The following USP48 variants were observed in gnomAD, a reference collection of about 807,000 sequenced individuals.
The protein encoded by USP48 is ubiquitin carboxyl-terminal hydrolase 48.
USP48 carries 43 observed loss-of-function variants against 150.7 expected under a neutral mutation model. That is an observed-to-expected ratio of 0.29 (90% CI 0.22 to 0.37). The LOEUF (loss-of-function observed/expected upper bound fraction) is 0.37. USP48 is among the 10% of genes least tolerant of loss of function. The pLI is 1.00. For missense variants in USP48, 813 were observed against 1,249.6 expected (o/e 0.65, Z 5.27); for synonymous variants, 396 against 425.9 (o/e 0.93, Z 0.86).
intron 22 of USP48, among the ~76,000 whole-genome samples, chr1:21,696,176 C>T (rs945704748): frequency 1.1e-4 from 17 of 152,042 alleles, no homozygotes; most frequent in African/African-American, 3.4e-4. Flanking sequence ...TGGTGGCTCA[C>T]GCCTGTAATC....
intron 21 of USP48, among the ~76,000 whole-genome samples, chr1:21,703,209 A>G (rs1385360682): frequency 6.6e-6 from 1 of 152,230 alleles, no homozygotes; most frequent in Admixed American, 6.5e-5. Context: ...CTAGGTGCCT[A>G]TAATTTTGAG....
At chr1:21,772,792 C>T (rs556844034) in intron 1 of USP48, among the ~76,000 whole-genome samples, 2 of 149,738 alleles carry the variant, frequency 1.3e-5, no homozygotes, top group African/African-American at 2.5e-5. Context: ...AGTGGTGGCA[C>T]GGACCTGTAA....
chr1:21,703,553 G>C lies in USP48; in HGVS notation c.2581C>G (p.Gln861Glu), dbSNP rs150272422. 3 of 1,612,694 alleles carry C rather than the reference G, an allele frequency of 1.9e-6. No homozygotes were observed. Among genetic ancestry groups the C allele is most frequent in the Non-Finnish European group, 2.5e-6 (3 of 1,179,928 alleles). ...ACTTTATGGACATAGATGGTGGCTT[G>C]AGTGTATTCACGCAGGTCCCTCTGC... ...QQQRDLREYT[Q>E]ATIYVHKVVD... Residue 861 changes from glutamine to glutamate, a missense_variant, in exon 21 of 27, where the codon CAA (glutamine) becomes GAA (glutamate). Physicochemically the swap from Gln to Glu is conservative, Grantham distance 29. Transcript: ENST00000308271.
intron 8 of USP48, among the ~76,000 whole-genome samples, chr1:21,743,138 A>C (rs2152568704): frequency 6.6e-6 from 1 of 152,206 alleles, no homozygotes; most frequent in East Asian, 1.9e-4. Context: ...TATTGACCCT[A>C]ATTGGTCAAA....
rs896247032 is a variant in USP48 at position 21,721,636 on chromosome 1, A to G, written c.1763+14T>C. The G allele has an allele frequency of 2.0e-6, 3 of 1,487,222 alleles. No individual in the cohort carries two copies. Among genetic ancestry groups the G allele is most frequent in the Non-Finnish European group, 2.8e-6 (3 of 1,086,346 alleles). The allele number at this position is 1,487,222 out of a possible 1,614,324, so 92.1% of individuals were successfully genotyped here. A position where few individuals can be genotyped will look rare whatever the true frequency, so the allele number is the denominator to read the frequency against. ...TCTTAGTTTATCATTAACAATGTACACTGTGCAACATACCCCTTTACTGCT... is the reference window on the plus strand; with the variant it reads ...TCTTAGTTTATCATTAACAATGTACGCTGTGCAACATACCCCTTTACTGCT... On this transcript the variant is annotated intron_variant, in intron 13 of 26. Transcript: ENST00000308271.
chr1:21,724,339 G>GT (rs780462600), intron 11 of USP48: 54 of 598,278 alleles, frequency 9.0e-5, no homozygotes, highest in Middle Eastern at 4.4e-4. Flanking sequence ...AGATCGGCTG[G>GT]TATTATTAAC....
intron 14 of USP48, among the ~76,000 whole-genome samples, chr1:21,720,441 G>T (rs143960071): frequency 6.6e-6 from 1 of 152,124 alleles, no homozygotes; most frequent in African/African-American, 2.4e-5. Flanking sequence ...TGAGCTACTT[G>T]TGAGAGCTTG....
chr1:21,708,906 AGAAAAGAAAAG>A (rs2097682225), intron 15 of USP48, among the ~76,000 whole-genome samples: 2 of 27,118 alleles, frequency 7.4e-5, no homozygotes, highest in Non-Finnish European at 2.2e-4. Context: ...AAAAAAAGAA[AGAAAAGAAAAG>A]AAAAGAAAAG....
rs555328686 is a variant in USP48, at chr1:21,707,119, C to T, written c.1964-251G>A. 2.6e-5 allele frequency among the ~76,000 whole-genome samples: 4 copies of T among 152,118 alleles called. No individual in the cohort carries two copies. The South Asian group carries it at 8.3e-4, about 32-fold the overall frequency. ...CTAGGTCTGTGATTGAAAAAAAAATCATGAGATAAAAACAAACGTACAAAG... is the reference window on the plus strand; with the variant it reads ...CTAGGTCTGTGATTGAAAAAAAAATTATGAGATAAAAACAAACGTACAAAG... On this transcript the variant is annotated intron_variant, in intron 15 of 26. Coordinates refer to ENST00000308271, the MANE Select transcript of USP48 (RefSeq NM_032236.8).
intron 11 of USP48, among the ~76,000 whole-genome samples, chr1:21,725,706 T>C (rs938447767): frequency 3.3e-5 from 5 of 151,626 alleles, no homozygotes; most frequent in African/African-American, 4.8e-5. Flanking sequence ...TGAGCTGACA[T>C]TGCACCAGTG....
chr1:21,779,345 G>T (rs1429367850), intron 1 of USP48, among the ~76,000 whole-genome samples: 1 of 152,072 alleles, frequency 6.6e-6, no homozygotes, highest in Non-Finnish European at 1.5e-5. Context: ...AGGAGTTCAA[G>T]ACCAGCCTGG....
At chr1:21,733,567 A>T (rs555387894) in intron 9 of USP48, among the ~76,000 whole-genome samples, 157 of 152,336 alleles carry the variant, frequency 1.0e-3, no homozygotes, top group African/African-American at 3.5e-3. Flanking sequence ...TAAAAGATGA[A>T]AGCTAAAATA....
At chr1:21,697,749 C>T (rs1184610524) in intron 22 of USP48, among the ~76,000 whole-genome samples, 1 of 151,508 alleles carries the variant, frequency 6.6e-6, no homozygotes, top group Non-Finnish European at 1.5e-5. Context: ...ACTACATCAA[C>T]ATATAATTTT....
chr1:21,780,805 T>G (rs926816659), intron 1 of USP48, among the ~76,000 whole-genome samples: 2 of 144,464 alleles, frequency 1.4e-5, no homozygotes, highest in African/African-American at 5.1e-5. Flanking sequence ...TGCAGTGGCG[T>G]GATCTCGGCT....
At chr1:21,755,085 CTAAT>C (rs1377720444) in intron 3 of USP48, among the ~76,000 whole-genome samples, 2 of 152,190 alleles carry the variant, frequency 1.3e-5, no homozygotes, top group African/African-American at 4.8e-5. Flanking sequence ...CCTCATTTCT[CTAAT>C]TAATTCTGTT....
chr1:21,692,500 T>C (rs2097605217), intron 23 of USP48, among the ~76,000 whole-genome samples: 2 of 152,134 alleles, frequency 1.3e-5, no homozygotes, highest in Non-Finnish European at 2.9e-5. Flanking sequence ...CCTATGAAAC[T>C]GGACAAACAG....
chr1:21,770,968 AC>A (rs2097878388), intron 1 of USP48, among the ~76,000 whole-genome samples: 1 of 151,598 alleles, frequency 6.6e-6, no homozygotes, highest in Middle Eastern at 3.2e-3. Context: ...ACTAAAAAAT[AC>A]AAAAAAATTA....
intron 25 of USP48, among the ~76,000 whole-genome samples, chr1:21,683,021 G>A (rs952375948): frequency 1.2e-4 from 18 of 152,156 alleles, no homozygotes; most frequent in East Asian, 3.9e-4. Flanking sequence ...AACACTTCGG[G>A]AGGCCGAGAT....
intron 1 of USP48, among the ~76,000 whole-genome samples, chr1:21,766,808 G>A (rs1471853304): frequency 6.6e-6 from 1 of 152,134 alleles, no homozygotes; most frequent in East Asian, 1.9e-4. Context: ...ACTCATGCCT[G>A]TAACCCAGCA....
Sources: gnomAD v4.1 joint callset for allele counts (sites outside exome capture counted in the v4.1 genomes callset) on GRCh38, gnomAD v4.1.1 for gene constraint, MANE v1.5 for transcripts, NCBI Gene and HGNC (gene_info 2026-07-23, HGNC 2026-07-21) for gene names.